Variants in PPP1R14C observed in about 807,000 individuals in gnomAD.
The protein encoded by PPP1R14C is protein phosphatase 1 regulatory subunit 14C.
PPP1R14C carries 16 observed loss-of-function variants against 20.4 expected under a neutral mutation model. The ratio of observed to expected loss-of-function variants is 0.78; its 90% confidence interval spans 0.53 to 1.19. The LOEUF (loss-of-function observed/expected upper bound fraction) is 1.19, where lower values mean the gene tolerates loss of function less well. Ranked by LOEUF, PPP1R14C falls within the 50% of genes most tolerant of loss-of-function variation. The pLI is 0.00. For missense variants in PPP1R14C, 211 were observed against 220.1 expected, an observed-to-expected ratio of 0.96 and a Z score of 0.26; for synonymous variants, 91 against 91.0, an observed-to-expected ratio of 1.00 and a Z score of 0.00.
intron 1 of PPP1R14C, among the ~76,000 whole-genome samples, chr6:150,144,672 G>T (rs1582891204): frequency 6.6e-6 from 1 of 152,192 alleles, no homozygotes; most frequent in East Asian, 1.9e-4. Context: ...GTGAAGACAC[G>T]TTTTCTTAAA....
intron 3 of PPP1R14C, among the ~76,000 whole-genome samples, chr6:150,220,330 G>A (rs1226794133): frequency 2.0e-5 from 3 of 152,184 alleles, no homozygotes; most frequent in African/African-American, 7.2e-5. Context: ...CCCTATGTGA[G>A]GGTTGACGGT....
chr6:150,177,017 T>G (rs1005299321), intron 1 of PPP1R14C, among the ~76,000 whole-genome samples: 2 of 152,226 alleles, frequency 1.3e-5, no homozygotes, highest in African/African-American at 4.8e-5. Flanking sequence ...CTCCACGTCC[T>G]GTTTGCTGCC....
At chr6:150,237,781 C>A (rs1778380930) in intron 3 of PPP1R14C, among the ~76,000 whole-genome samples, 1 of 152,140 alleles carries the variant, frequency 6.6e-6, no homozygotes, top group South Asian at 2.1e-4. Flanking sequence ...AGGATTTGAA[C>A]CCAAGTCATC....
chr6:150,156,712 C>T (rs1435555353), intron 1 of PPP1R14C, among the ~76,000 whole-genome samples: 1 of 152,162 alleles, frequency 6.6e-6, no homozygotes, highest in African/African-American at 2.4e-5. Context: ...GGTGCTAAAA[C>T]ATGATTATGC....
At chr6:150,202,826 C>G (rs964469967) in intron 1 of PPP1R14C, among the ~76,000 whole-genome samples, 1 of 152,330 alleles carries the variant, frequency 6.6e-6, no homozygotes, top group Admixed American at 6.5e-5. Flanking sequence ...ACACATTAGT[C>G]TTGGTCTTTT....
In PPP1R14C at chr6:150,249,170, A is replaced by G. The variant is rs1188752290; in HGVS notation, c.*350A>G. The G allele has an allele frequency of 2.5e-6, 1 of 399,152 alleles. No homozygotes were observed. Among genetic ancestry groups the G allele is most frequent in the Non-Finnish European group, 4.4e-6 (1 of 226,830 alleles). 24.7% of individuals were successfully genotyped at this position (399,152 alleles called of 1,614,324 possible). On this transcript the variant is annotated 3_prime_UTR_variant, in exon 4 of 4. Coordinates refer to ENST00000361131, the MANE Select transcript of PPP1R14C (RefSeq NM_030949.3). The stretch of plus-strand genomic sequence containing the variant: ...CAGTACCTTATGATACAGGGAAGAT[A>G]GTTTTCTTACAAGTAGTTTGGTAAT...
intron 3 of PPP1R14C, among the ~76,000 whole-genome samples, chr6:150,232,707 T>C (rs1402591803): frequency 6.6e-6 from 1 of 152,228 alleles, no homozygotes; most frequent in East Asian, 1.9e-4. Context: ...ACTTCTGTTG[T>C]ATGTCAAGTT....
At chr6:150,190,084 C>G (rs1414869415) in intron 1 of PPP1R14C, among the ~76,000 whole-genome samples, 1 of 152,082 alleles carries the variant, frequency 6.6e-6, no homozygotes, top group Non-Finnish European at 1.5e-5. Flanking sequence ...GATGCCTGAC[C>G]CAGGGCAAAC....
intron 1 of PPP1R14C, chr6:150,194,814 A>G: frequency 4.1e-6 from 4 of 985,418 alleles, no homozygotes; most frequent in Non-Finnish European, 2.4e-6. Flanking sequence ...ATTCTTTAGC[A>G]TCTCAGTGAG....
In PPP1R14C at chr6:150,249,035, T is replaced by C. The variant is rs1778529791; in HGVS notation, c.*215T>C. ...GGTTTTTGTTAATGTAATATTTTAA[T>C]AGCAAAGATATCATGACTCTAGCCA... On this transcript the variant is annotated 3_prime_UTR_variant, in exon 4 of 4. Transcript: ENST00000361131. 4.2e-6 allele frequency: 2 copies of C among 476,988 alleles called. No homozygotes were observed. Among genetic ancestry groups the C allele is most frequent in the African/African-American group, 2.0e-5 (1 of 50,554 alleles). The allele number at this position is 476,988 out of a possible 1,614,324, so 29.5% of individuals were successfully genotyped here.
chr6:150,215,333 A>G (rs1778078000), intron 2 of PPP1R14C, among the ~76,000 whole-genome samples: 1 of 152,232 alleles, frequency 6.6e-6, no homozygotes, highest in African/African-American at 2.4e-5. Context: ...ACAACGATGG[A>G]TATTGAGATG....
chr6:150,164,309 T>A (rs1777402072), intron 1 of PPP1R14C, among the ~76,000 whole-genome samples: 1 of 152,238 alleles, frequency 6.6e-6, no homozygotes, highest in Non-Finnish European at 1.5e-5. Flanking sequence ...CAGAAATATG[T>A]GTCCCACTTG....
chr6:150,186,279 A>G (rs1428360524), intron 1 of PPP1R14C, among the ~76,000 whole-genome samples: 1 of 152,160 alleles, frequency 6.6e-6, no homozygotes, highest in Non-Finnish European at 1.5e-5. Context: ...AGCCCTCAGG[A>G]GCAATTTTCC....
chr6:150,214,279 G>A (rs944552550), intron 1 of PPP1R14C, among the ~76,000 whole-genome samples: 1 of 152,188 alleles, frequency 6.6e-6, no homozygotes, highest in African/African-American at 2.4e-5. Context: ...CCAGCAAAGG[G>A]TGGCTGTCAG....
At position 150,216,816 on chromosome 6, in the gene PPP1R14C, A is replaced by T. The variant is rs778121917; in HGVS notation, c.391-8A>T. On this transcript the variant is annotated splice_region_variant and splice_polypyrimidine_tract_variant and intron_variant, in intron 2 of 3. Coordinates refer to ENST00000361131, the MANE Select transcript of PPP1R14C (RefSeq NM_030949.3). ...AATAAAACTGATTTTCTGTGTGTTT[A>T]ATTCTAGGAAGCTCTTGTAGACTGC... The T allele has an allele frequency of 1.3e-6, 2 of 1,580,600 alleles. No homozygotes were observed. The highest frequency in any genetic ancestry group is 2.3e-5 in the South Asian group (2 of 85,432).
At chr6:150,194,929 C>T (rs1204657888) in intron 1 of PPP1R14C, 1 of 985,206 alleles carries the variant, frequency 1.0e-6, no homozygotes, top group Non-Finnish European at 1.2e-6. Context: ...ACAGTTGATC[C>T]AGGAGGCATT....
At chr6:150,186,724 G>A (rs937907209) in intron 1 of PPP1R14C, among the ~76,000 whole-genome samples, 1 of 152,100 alleles carries the variant, frequency 6.6e-6, no homozygotes, top group Admixed American at 6.6e-5. Flanking sequence ...GGGACGGCCT[G>A]GACCAGTAGG....
At chr6:150,214,016 G>C (rs1237853026) in intron 1 of PPP1R14C, among the ~76,000 whole-genome samples, 2 of 152,222 alleles carry the variant, frequency 1.3e-5, no homozygotes, top group Admixed American at 1.3e-4. Flanking sequence ...CTTCAGGGTT[G>C]TATGGTAGCC....
At chr6:150,148,323 G>C (rs1193299730) in intron 1 of PPP1R14C, among the ~76,000 whole-genome samples, 1 of 152,096 alleles carries the variant, frequency 6.6e-6, no homozygotes, top group Non-Finnish European at 1.5e-5. Flanking sequence ...CTCTCAGCTG[G>C]GATGTGACAG....
Sources: gnomAD v4.1 joint callset for allele counts (sites outside exome capture counted in the v4.1 genomes callset) on GRCh38, gnomAD v4.1.1 for gene constraint, MANE v1.5 for transcripts, NCBI Gene and HGNC (gene_info 2026-07-23, HGNC 2026-07-21) for gene names.